The following CNTNAP4 variants were observed in gnomAD, a reference collection of about 807,000 sequenced individuals.
CNTNAP4 encodes contactin-associated protein-like 4.
Under a neutral mutation model 148.4 loss-of-function variants are expected in CNTNAP4, and 98 were observed. The ratio of observed to expected loss-of-function variants is 0.66; its 90% confidence interval spans 0.56 to 0.78. CNTNAP4 has a LOEUF of 0.78. CNTNAP4 is among the 30% of genes least tolerant of loss of function. The pLI, the probability that CNTNAP4 is intolerant of heterozygous loss-of-function variation, is 0.00. For synonymous variants in CNTNAP4, 730 were observed against 565.1 expected (o/e 1.29, Z -4.14); for missense variants, 1,935 against 1,565.6 (o/e 1.24, Z -3.98).
At chr16:76,536,465 G>A (rs1331140412) in intron 18 of CNTNAP4, among the ~76,000 whole-genome samples, 2 of 152,026 alleles carry the variant, frequency 1.3e-5, no homozygotes, top group Non-Finnish European at 2.9e-5. Flanking sequence ...CAAAGTGCTG[G>A]GATTACAGAC....
chr16:76,507,537 G>T (rs1168875562), intron 15 of CNTNAP4, among the ~76,000 whole-genome samples: 1 of 96,802 alleles, frequency 1.0e-5, no homozygotes, highest in African/African-American at 2.6e-5. Context: ...CATCCATATT[G>T]TTGCAAATGA....
intron 3 of CNTNAP4, among the ~76,000 whole-genome samples, chr16:76,389,336 T>G (rs1421784203): frequency 1.3e-5 from 2 of 152,204 alleles, no homozygotes; most frequent in African/African-American, 4.8e-5. Flanking sequence ...CCTCTGAAAC[T>G]AATGTCAAAT....
intron 3 of CNTNAP4, among the ~76,000 whole-genome samples, chr16:76,400,115 C>T (rs1002711879): frequency 6.6e-6 from 1 of 152,084 alleles, no homozygotes; most frequent in Admixed American, 6.6e-5. Flanking sequence ...TTTCAAGCAG[C>T]CTTGTGATCT....
At chr16:76,431,043 C>G (rs1835247505) in intron 4 of CNTNAP4, among the ~76,000 whole-genome samples, 1 of 151,892 alleles carries the variant, frequency 6.6e-6, no homozygotes, top group African/African-American at 2.4e-5. Flanking sequence ...ATTATATGAA[C>G]TAAGTATAAA....
At chr16:76,287,203 T>C (rs777730311) in intron 1 of CNTNAP4, among the ~76,000 whole-genome samples, 1 of 152,224 alleles carries the variant, frequency 6.6e-6, no homozygotes, top group Non-Finnish European at 1.5e-5. Flanking sequence ...AGATAACATT[T>C]AGTTTCTTAA....
intron 3 of CNTNAP4, among the ~76,000 whole-genome samples, chr16:76,367,505 A>G (rs2014287839): frequency 1.3e-5 from 2 of 152,228 alleles, no homozygotes; most frequent in African/African-American, 4.8e-5. Context: ...TTTTTAGCCT[A>G]TATGATAGCA....
intron 9 of CNTNAP4, among the ~76,000 whole-genome samples, chr16:76,462,842 A>G (rs1224064699): frequency 6.6e-6 from 1 of 152,220 alleles, no homozygotes; most frequent in Non-Finnish European, 1.5e-5. Flanking sequence ...GGTGTTGCTT[A>G]TATTAGCGTT....
chr16:76,444,834 T>A (rs1263508514), intron 4 of CNTNAP4, among the ~76,000 whole-genome samples: 1 of 152,206 alleles, frequency 6.6e-6, no homozygotes, highest in Non-Finnish European at 1.5e-5. Flanking sequence ...GATAATGTAC[T>A]CGCATTGTGA....
intron 8 of CNTNAP4, among the ~76,000 whole-genome samples, chr16:76,461,036 A>G (rs980015024): frequency 6.6e-6 from 1 of 151,776 alleles, no homozygotes; most frequent in African/African-American, 2.4e-5. Flanking sequence ...ATTCATTAAC[A>G]TTGGACTTAT....
intron 3 of CNTNAP4, among the ~76,000 whole-genome samples, chr16:76,426,944 C>T (rs996689823): frequency 4.6e-5 from 7 of 152,168 alleles, no homozygotes; most frequent in Non-Finnish European, 7.3e-5. Context: ...CTGAGTGTAG[C>T]TCCAACTTGA....
chr16:76,354,822 A>C (rs1403312565), intron 2 of CNTNAP4, among the ~76,000 whole-genome samples: 2 of 152,132 alleles, frequency 1.3e-5, no homozygotes, highest in Non-Finnish European at 2.9e-5. Flanking sequence ...GCCAGGAACT[A>C]TTTCTTGACT....
chr16:76,515,125 G>A (rs144245115), intron 15 of CNTNAP4, among the ~76,000 whole-genome samples: 10 of 152,254 alleles, frequency 6.6e-5, no homozygotes, highest in African/African-American at 2.4e-4. Context: ...CTTTGTGAAA[G>A]CTTGCATGAA....
intron 2 of CNTNAP4, among the ~76,000 whole-genome samples, chr16:76,318,740 A>T (rs143850129): frequency 6.9e-6 from 1 of 145,880 alleles, no homozygotes; most frequent in South Asian, 2.1e-4. Flanking sequence ...ATTTTTATTA[A>T]TAATAATCAT....
intron 2 of CNTNAP4, among the ~76,000 whole-genome samples, chr16:76,332,326 T>C (rs1963601775): frequency 6.6e-6 from 1 of 152,124 alleles, no homozygotes; most frequent in African/African-American, 2.4e-5. Flanking sequence ...AGTGGTGCAA[T>C]TATAACTCAC....
At chr16:76,365,642 C>T (rs1009787147) in intron 3 of CNTNAP4, among the ~76,000 whole-genome samples, 8 of 150,968 alleles carry the variant, frequency 5.3e-5, no homozygotes, top group African/African-American at 2.0e-4. Flanking sequence ...ATCCCAGCTA[C>T]TTGCGAGGCT....
At chr16:76,441,686 G>T (rs980753765) in intron 4 of CNTNAP4, among the ~76,000 whole-genome samples, 1 of 151,978 alleles carries the variant, frequency 6.6e-6, no homozygotes, top group African/African-American at 2.4e-5. Context: ...GATAATTAAG[G>T]GTTTCTTATG....
At chr16:76,517,055 T>C (rs1489032805) in intron 15 of CNTNAP4, among the ~76,000 whole-genome samples, 1 of 152,186 alleles carries the variant, frequency 6.6e-6, no homozygotes, top group African/African-American at 2.4e-5. Context: ...AGCAAGAATC[T>C]GTCAAAAACA....
chr16:76,448,553 A>C (rs2080335488), intron 5 of CNTNAP4, among the ~76,000 whole-genome samples: 1 of 152,328 alleles, frequency 6.6e-6, no homozygotes, highest in Middle Eastern at 3.4e-3. Context: ...TGCAATCAGT[A>C]ATAATGACAA....
At chr16:76,312,367 T>A (rs1961218833) in intron 1 of CNTNAP4, among the ~76,000 whole-genome samples, 1 of 152,204 alleles carries the variant, frequency 6.6e-6, no homozygotes, top group Admixed American at 6.5e-5. Flanking sequence ...AATGTGGTCC[T>A]TAGCTTTGCA....
Sources: allele counts gnomAD v4.1 joint callset (sites outside exome capture counted in the v4.1 genomes callset), GRCh38; gene constraint gnomAD v4.1.1; transcripts MANE v1.5; gene names NCBI Gene and HGNC (gene_info 2026-07-23, HGNC 2026-07-21).